The following ZIC4 variants were observed in gnomAD, a reference collection of about 807,000 sequenced individuals.
The protein encoded by ZIC4 is Zic family zinc finger 4, also known as zinc finger protein ZIC 4.
Under a neutral mutation model 28.8 loss-of-function variants are expected in ZIC4, and 15 were observed. That is an observed-to-expected ratio of 0.52 (90% CI 0.35 to 0.80). The LOEUF (loss-of-function observed/expected upper bound fraction) is 0.80, where lower values mean the gene tolerates loss of function less well. Ranked by LOEUF, ZIC4 falls within the 30% of genes least tolerant of loss-of-function variation. The probability of loss-of-function intolerance (pLI) is 0.01; values close to 1 mark genes in which losing one functional copy is unlikely to be tolerated. For synonymous variants in ZIC4, 220 were observed against 198.1 expected (o/e 1.11, Z -0.93); for missense variants, 512 against 467.1 (o/e 1.10, Z -0.89).
At chr3:147,395,800 G>A in intron 3 of ZIC4, 52 bp downstream of exon 3, 2 of 1,565,008 alleles carry the variant, frequency 1.3e-6, no homozygotes, top group South Asian at 1.2e-5. Context: ...CCAGACCCGA[G>A]GGCCTGCTTC....
chr3:147,392,374 C>T, intron 3 of ZIC4: 1 of 985,486 alleles, frequency 1.0e-6, no homozygotes, highest in East Asian at 1.1e-4. Context: ...CGCGAGTGCA[C>T]GTTAGAGTGA....
chr3:147,389,670 T>C lies in ZIC4; in HGVS notation c.*-811A>G, dbSNP rs143656754. The stretch of plus-strand genomic sequence containing the variant: ...CCCCCTCCTTCAACATCTGGTTCTT[T>C]TTTTCTGGGGACTTCATACGCAGCA... On this transcript the variant is annotated intron_variant, in intron 4 of 4. Coordinates refer to ENST00000383075, the MANE Select transcript of ZIC4 (RefSeq NM_032153.6). Among the ~76,000 whole-genome samples, 284 of 152,282 alleles carry C rather than the reference T, an allele frequency of 1.9e-3. 1 individual carries two copies. The highest frequency in any genetic ancestry group is 6.5e-3 in the African/African-American group (269 of 41,556).
intron 3 of ZIC4, chr3:147,392,090 C>G: frequency 1.0e-6 from 1 of 985,610 alleles, no homozygotes; most frequent in Non-Finnish European, 1.2e-6. Flanking sequence ...CACTGACTTG[C>G]GATGTCGACC....
At position 147,391,154 on chromosome 3, in the gene ZIC4, C is replaced by G; in HGVS notation, c.781G>C (p.Asp261His). The G allele has an allele frequency of 6.2e-7, 1 of 1,613,294 alleles. No individual in the cohort carries two copies. Among genetic ancestry groups the G allele is most frequent in the Non-Finnish European group, 8.5e-7 (1 of 1,179,304 alleles). Residue 261 changes from aspartate to histidine, a missense_variant, in exon 4 of 5, where the codon GAC becomes CAC. Asp to His is a moderately conservative substitution (Grantham distance 81). Coordinates refer to ENST00000383075, the MANE Select transcript of ZIC4 (RefSeq NM_032153.6). ...RKKHSHVHTSDKPYTCKVRGC... is the reference protein window; with the variant it reads ...RKKHSHVHTSHKPYTCKVRGC... Reference sequence around the variant, plus strand: ...CGCACCTTGCACGTGTATGGCTTGTCGCTAGTGTGCACGTGCGAATGCTTC... The same window carrying G: ...CGCACCTTGCACGTGTATGGCTTGTGGCTAGTGTGCACGTGCGAATGCTTC...
At chr3:147,393,804 T>C in intron 3 of ZIC4, 2 of 447,704 alleles carry the variant, frequency 4.5e-6, no homozygotes, top group South Asian at 3.2e-5. Context: ...AGGAGCTGGG[T>C]GGCGGTGGCC....
intron 2 of ZIC4, among the ~76,000 whole-genome samples, chr3:147,397,798 G>C (rs919070614): frequency 1.3e-5 from 2 of 152,118 alleles, no homozygotes; most frequent in African/African-American, 4.8e-5. Flanking sequence ...TTATTTTCTG[G>C]CTTTCTCCGA....
In ZIC4 at chr3:147,396,187, C is replaced by T; in HGVS notation, c.353G>A (p.Arg118His). The T allele has an allele frequency of 1.2e-6, 2 of 1,614,078 alleles. No homozygotes were observed. The highest frequency in any genetic ancestry group is 1.7e-6 in the Non-Finnish European group (2 of 1,180,014). ...CTGTTTGATGGGCTGGCGCATGTAGCGGAAGAAAGCGCCAGGACCGTGGGG... is the reference window on the plus strand; with the variant it reads ...CTGTTTGATGGGCTGGCGCATGTAGTGGAAGAAAGCGCCAGGACCGTGGGG... ...AAPHGPGAFFRYMRQPIKQEL... is the reference protein window; with the variant it reads ...AAPHGPGAFFHYMRQPIKQEL... The change falls in exon 3 of 5, where the codon CGC becomes CAC. Residue 118 changes from arginine to histidine, a missense_variant. This residue lies in a region of ZIC4 where 310 missense variants were observed against 256.5 expected (regional missense o/e 1.21). Coordinates refer to ENST00000383075, the MANE Select transcript of ZIC4 (RefSeq NM_032153.6). The surrounding 1 kb of genome is among the most constrained non-coding windows in gnomAD (Gnocchi z 4.2).
chr3:147,391,842 C>T, intron 3 of ZIC4: 1 of 435,802 alleles, frequency 2.3e-6, no homozygotes. Context: ...AAAGTGGATT[C>T]GTGCTGCAGG....
chr3:147,394,228 G>C (rs1251484641), intron 3 of ZIC4, among the ~76,000 whole-genome samples: 1 of 151,616 alleles, frequency 6.6e-6, no homozygotes, highest in African/African-American at 2.4e-5. Flanking sequence ...GTTGTTGGTC[G>C]TGTTTGTTTG....
Position 147,396,441 on chromosome 3 carries a change from C to T in ZIC4, c.99G>A (p.Gln33=). 6.6e-7 allele frequency: 1 copy of T among 1,520,612 alleles called. No homozygotes were observed. The highest frequency in any genetic ancestry group is 8.8e-7 in the Non-Finnish European group (1 of 1,138,424). The allele number at this position is 1,520,612 out of a possible 1,614,324, so 94.2% of individuals were successfully genotyped here. ...CCGAGGGGCTGGAGGCGGCGGTGAG[C>T]TGGGGGCCATGGTGTCCAGAGCTGC... ...SSSSSGHHGP[Q]LTAASSPSVF... Residue 33 remains glutamine, a synonymous_variant, in exon 3 of 5, where the codon CAG becomes CAA. Coordinates refer to ENST00000383075, the MANE Select transcript of ZIC4 (RefSeq NM_032153.6). The surrounding 1 kb of genome is among the most constrained non-coding windows in gnomAD (Gnocchi z 4.2).
intron 1 of ZIC4, 80 bp from the exon 2 acceptor site, chr3:147,402,892 T>C: frequency 8.4e-7 from 1 of 1,185,610 alleles, no homozygotes; most frequent in Non-Finnish European, 1.2e-6. Context: ...GGTTTGAATG[T>C]ATGAATGAAA....
rs560320057 is a variant in ZIC4, at chr3:147,388,014, T to G, written c.*845A>C. ...GAGCCTCTTTGGGGTGCAGTCAAGA[T>G]GCACAGAGTCCTTGTGCTCCTCCCT... On this transcript the variant is annotated 3_prime_UTR_variant, in exon 5 of 5. Transcript: ENST00000383075. 2 of 152,556 alleles carry G rather than the reference T, an allele frequency of 1.3e-5. No homozygotes were observed. Among genetic ancestry groups the G allele is most frequent in the African/African-American group, 4.8e-5 (2 of 41,454 alleles). The allele number at this position is 152,556 out of a possible 1,614,324, so 9.5% of individuals were successfully genotyped here. A position where few individuals can be genotyped will look rare whatever the true frequency, so the allele number is the denominator to read the frequency against.
At position 147,396,648 on chromosome 3, in the gene ZIC4, G is replaced by A; in HGVS notation, c.71-179C>T. The A allele has an allele frequency of 1.4e-6, 1 of 710,120 alleles. No homozygotes were observed. The highest frequency in any genetic ancestry group is 2.1e-6 in the Non-Finnish European group (1 of 481,358). 44.0% of individuals were successfully genotyped at this position (710,120 alleles called of 1,614,324 possible). A position where few individuals can be genotyped will look rare whatever the true frequency, so the allele number is the denominator to read the frequency against. On this transcript the variant is annotated intron_variant, in intron 2 of 4. Coordinates refer to ENST00000383075, the MANE Select transcript of ZIC4 (RefSeq NM_032153.6). The surrounding 1 kb of genome is among the most constrained non-coding windows in gnomAD (Gnocchi z 4.2). ...GGACAGAGCAAGGCCAAACACCTCC[G>A]CCGCCATTGGGCCGAATTGCTGTTG...
At position 147,396,662 on chromosome 3, in the gene ZIC4, G is replaced by C. The variant is rs918323197; in HGVS notation, c.71-193C>G. The C allele has an allele frequency of 3.5e-5, 22 of 631,146 alleles. No individual in the cohort carries two copies. Among genetic ancestry groups the C allele is most frequent in the Admixed American group, 1.1e-4 (3 of 26,694 alleles). The allele number at this position is 631,146 out of a possible 1,614,324, so 39.1% of individuals were successfully genotyped here. On this transcript the variant is annotated intron_variant, in intron 2 of 4. Transcript: ENST00000383075. The surrounding 1 kb of genome is among the most constrained non-coding windows in gnomAD (Gnocchi z 4.2). ...CAAACACCTCCGCCGCCATTGGGCC[G>C]AATTGCTGTTGGGCCAAGTCCCCCG... is the stretch of plus-strand genomic sequence containing the variant.
intron 2 of ZIC4, 124 bp downstream of exon 2, chr3:147,402,603 TC>T (rs1040553796): frequency 1.0e-4 from 80 of 767,468 alleles, no homozygotes; most frequent in South Asian, 8.0e-4. Flanking sequence ...CTCAAGAAAC[TC>T]CCCCCAAACT....
intron 3 of ZIC4, chr3:147,393,582 G>T (rs1418918354): frequency 9.2e-5 from 25 of 272,370 alleles, no homozygotes; most frequent in Non-Finnish European, 7.3e-6. Flanking sequence ...CCTCCTCTCC[G>T]ACCCTGAGCC....
chr3:147,402,324 T>C lies in ZIC4; in HGVS notation c.70+404A>G, dbSNP rs367771558. Among the ~76,000 whole-genome samples the C allele has an allele frequency of 1.2e-3, 185 of 152,330 alleles. 5 individuals are homozygous for C. In the South Asian group the frequency reaches 0.036, roughly 30 times the overall value. On this transcript the variant is annotated intron_variant, in intron 2 of 4. Transcript: ENST00000383075. Reference sequence around the variant, plus strand: ...CCCCATCATCCAGATCAAAGTCTGCTTCTTTCATGGAAGCCAATACATGTC... The same window carrying C: ...CCCCATCATCCAGATCAAAGTCTGCCTCTTTCATGGAAGCCAATACATGTC...
At chr3:147,400,657 ATAAG>A (rs2087146551) in intron 2 of ZIC4, among the ~76,000 whole-genome samples, 8 of 152,384 alleles carry the variant, frequency 5.2e-5, no homozygotes, top group African/African-American at 1.9e-4. Context: ...AAGGGATTAC[ATAAG>A]GATCTTCAAG....
At position 147,388,333 on chromosome 3, in the gene ZIC4, A is replaced by G. The variant is rs996000169; in HGVS notation, c.*526T>C. On this transcript the variant is annotated 3_prime_UTR_variant, in exon 5 of 5. Coordinates refer to ENST00000383075, the MANE Select transcript of ZIC4 (RefSeq NM_032153.6). ...ACCCCAAAACCCGACTCTTTGAACA[A>G]CCCGAGCTTGATTAGACCTTTCTCC... is the stretch of plus-strand genomic sequence containing the variant. 6.5e-6 allele frequency: 1 copy of G among 154,148 alleles called. No homozygotes were observed. The highest frequency in any genetic ancestry group is 1.4e-5 in the Non-Finnish European group (1 of 69,198). 9.5% of individuals were successfully genotyped at this position (154,148 alleles called of 1,614,324 possible).
Sources: gnomAD v4.1 joint callset for allele counts (sites outside exome capture counted in the v4.1 genomes callset) on GRCh38, gnomAD v4.1.1 for gene constraint, gnomAD v4.1.1 regional missense constraint, Gnocchi (gnomAD v3.1) non-coding constraint, MANE v1.5 for transcripts, NCBI Gene and HGNC (gene_info 2026-07-23, HGNC 2026-07-21) for gene names.